TASOR: variants seen among roughly 807,000 people sequenced by gnomAD.
The protein encoded by TASOR is protein TASOR.
In TASOR, 53 loss-of-function variants were observed where a neutral mutation model predicts 178.6. That is an observed-to-expected ratio of 0.30 (90% CI 0.24 to 0.37). TASOR has a LOEUF of 0.37. Among genes scored for constraint, TASOR ranks in the 10% least tolerant of loss-of-function variants. TASOR has a pLI of 1.00. For missense variants in TASOR, 1,815 were observed against 1,971.4 expected (o/e 0.92, Z 1.50); for synonymous variants, 713 against 696.2 (o/e 1.02, Z -0.38).
chr3:56,637,248 T>C (rs1266556385), intron 17 of TASOR, among the ~76,000 whole-genome samples: 1 of 152,170 alleles, frequency 6.6e-6, no homozygotes, highest in South Asian at 2.1e-4. Flanking sequence ...CATGTACATA[T>C]GTAAAATTTC....
At chr3:56,665,738 G>A (rs1038123531) in intron 7 of TASOR, among the ~76,000 whole-genome samples, 2 of 152,000 alleles carry the variant, frequency 1.3e-5, no homozygotes, top group Non-Finnish European at 2.9e-5. Context: ...TTGGGAGGTC[G>A]AGGCAGTAAG....
rs563758660 is a variant in TASOR at position 56,623,923 on chromosome 3, T to C, written c.4484-357A>G. ...TTGACATCTAGCTTCACTGGATTAC[T>C]AAACTAGTTGGTTAGCACTAAATGA... is the stretch of plus-strand genomic sequence containing the variant. On this transcript the variant is annotated intron_variant, in intron 23 of 23. Transcript: ENST00000683822. 2.2e-4 allele frequency: 245 copies of C among 1,134,038 alleles called. 1 individual carries two copies. Among genetic ancestry groups the C allele is most frequent in the Non-Finnish European group, 2.5e-4 (197 of 791,398 alleles). The allele number at this position is 1,134,038 out of a possible 1,614,324, so 70.2% of individuals were successfully genotyped here. A position where few individuals can be genotyped will look rare whatever the true frequency, so the allele number is the denominator to read the frequency against.
rs1443057023 is a variant in TASOR, at chr3:56,621,341, G to C, written c.*1696C>G. The C allele has an allele frequency of 1.0e-5, 4 of 393,092 alleles. No individual in the cohort carries two copies. Among genetic ancestry groups the C allele is most frequent in the African/African-American group, 6.2e-5 (3 of 48,140 alleles). 24.4% of individuals were successfully genotyped at this position (393,092 alleles called of 1,614,324 possible). A position where few individuals can be genotyped will look rare whatever the true frequency, so the allele number is the denominator to read the frequency against. On this transcript the variant is annotated 3_prime_UTR_variant, in exon 24 of 24. Transcript: ENST00000683822. ...CCTATTGATTTTTATGCTAAAAACA[G>C]AATCTTACAAATGTGATAGCTATAT...
intron 3 of TASOR, among the ~76,000 whole-genome samples, chr3:56,670,713 A>G (rs1383109268): frequency 1.3e-5 from 2 of 152,030 alleles, no homozygotes; most frequent in African/African-American, 4.8e-5. Context: ...AGGCAGGCAG[A>G]TCACTTGAGG....
At chr3:56,640,249 T>TCAA in intron 15 of TASOR, 119 bp from the exon 16 acceptor site, 2 of 810,368 alleles carry the variant, frequency 2.5e-6, no homozygotes, top group African/African-American at 3.5e-5. Context: ...ATGCGTAAAA[T>TCAA]CAACATGGTA....
rs1197333078 is a variant in TASOR, at chr3:56,622,365, C to T, written c.*672G>A. The T allele has an allele frequency of 6.6e-6, 1 of 152,074 alleles. No individual in the cohort carries two copies. The highest frequency in any genetic ancestry group is 1.5e-5 in the Non-Finnish European group (1 of 67,980). The allele number at this position is 152,074 out of a possible 1,614,324, so 9.4% of individuals were successfully genotyped here. A position where few individuals can be genotyped will look rare whatever the true frequency, so the allele number is the denominator to read the frequency against. ...AATTTAAAAATCAAATTGTTCAACG[C>T]CTTTGATAAACAGAAGCCTATCTTT... On this transcript the variant is annotated 3_prime_UTR_variant, in exon 24 of 24. Coordinates refer to ENST00000683822, the MANE Select transcript of TASOR (RefSeq NM_001365635.2).
At chr3:56,668,120 C>A (rs944421903) in intron 6 of TASOR, among the ~76,000 whole-genome samples, 1 of 152,108 alleles carries the variant, frequency 6.6e-6, no homozygotes, top group East Asian at 1.9e-4. Flanking sequence ...GGGCAATGAT[C>A]ATATAAAAAC....
intron 11 of TASOR, among the ~76,000 whole-genome samples, chr3:56,650,433 G>C (rs2077327002): frequency 6.6e-6 from 1 of 152,054 alleles, no homozygotes. Context: ...TTAGATACCT[G>C]GTACTCAAGG....
chr3:56,637,845 G>C (rs1231190354), intron 17 of TASOR, among the ~76,000 whole-genome samples: 1 of 152,120 alleles, frequency 6.6e-6, no homozygotes, highest in African/African-American at 2.4e-5. Context: ...ACCATCTGCA[G>C]AGAAGTTGAA....
chr3:56,635,779 ATTAC>A (rs1304916504), intron 17 of TASOR, among the ~76,000 whole-genome samples: 2 of 152,180 alleles, frequency 1.3e-5, no homozygotes, highest in Admixed American at 1.3e-4. Context: ...CCAGCTATTT[ATTAC>A]TTTAAATGCA....
intron 2 of TASOR, among the ~76,000 whole-genome samples, chr3:56,673,112 A>C (rs1029900290): frequency 6.6e-6 from 1 of 152,228 alleles, no homozygotes; most frequent in African/African-American, 2.4e-5. Context: ...TGCTCAGCTG[A>C]ATTTACAATT....
intron 15 of TASOR, among the ~76,000 whole-genome samples, chr3:56,641,143 T>G (rs1033868747): frequency 6.6e-6 from 1 of 151,962 alleles, no homozygotes; most frequent in Admixed American, 6.6e-5. Context: ...ATATTAAGCT[T>G]CTAAGAAGGA....
At chr3:56,678,405 A>C (rs931062378) in intron 1 of TASOR, among the ~76,000 whole-genome samples, 2 of 150,290 alleles carry the variant, frequency 1.3e-5, no homozygotes, top group Non-Finnish European at 3.0e-5. Context: ...CTGGTCTCAA[A>C]CTCCTGACCT....
chr3:56,646,125 G>C (rs2077232871), intron 14 of TASOR, among the ~76,000 whole-genome samples: 1 of 152,132 alleles, frequency 6.6e-6, no homozygotes, highest in Non-Finnish European at 1.5e-5. Context: ...TCCAGCCTTG[G>C]GGAGACATCA....
intron 17 of TASOR, among the ~76,000 whole-genome samples, chr3:56,636,281 CA>C (rs201891438): frequency 1.5e-5 from 2 of 137,302 alleles, no homozygotes; most frequent in Non-Finnish European, 1.6e-5. Flanking sequence ...GATTCTGTTG[CA>C]AAAAAAAATA....
Position 56,623,261 on chromosome 3 carries a change from C to A in TASOR, c.4789G>T (p.Val1597Phe). 1.2e-6 allele frequency: 2 copies of A among 1,613,426 alleles called. No individual in the cohort carries two copies. Among genetic ancestry groups the A allele is most frequent in the Non-Finnish European group, 8.5e-7 (1 of 1,179,900 alleles). The change falls in exon 24 of 24, where the codon GTT becomes TTT. Residue 1597 changes from valine to phenylalanine, a missense_variant. Val to Phe is a conservative substitution (Grantham distance 50, BLOSUM62 -1). Around this residue, in one of 5 missense-constraint regions of TASOR, gnomAD observed 278 missense variants for 257.1 expected, o/e 1.08. Transcript: ENST00000683822. The part of the protein sequence containing the change: ...TEQDSYSNFQ[V>F]YHSQLNMSHQ... ...GACATATTTAATTGACTATGATAAA[C>A]CTGAAAGTTACTATATGAATCTTGT... is the stretch of plus-strand genomic sequence containing the variant.
At chr3:56,645,740 G>T (rs564177958) in intron 14 of TASOR, among the ~76,000 whole-genome samples, 1 of 152,276 alleles carries the variant, frequency 6.6e-6, no homozygotes, top group South Asian at 2.1e-4. Flanking sequence ...GATTCTTGGG[G>T]TAGAAAAGAG....
chr3:56,652,314 G>A (rs896909753), intron 11 of TASOR, among the ~76,000 whole-genome samples: 3 of 152,140 alleles, frequency 2.0e-5, no homozygotes, highest in South Asian at 2.1e-4. Flanking sequence ...GCACGGTGGT[G>A]CACACCTGTA....
chr3:56,669,933 T>G, intron 4 of TASOR, 140 bp downstream of exon 4: 1 of 872,406 alleles, frequency 1.1e-6, no homozygotes, highest in South Asian at 1.9e-5. Context: ...GATCTTACAT[T>G]TCAGAACCTA....
Sources: gnomAD v4.1 joint callset for allele counts (sites outside exome capture counted in the v4.1 genomes callset) on GRCh38, gnomAD v4.1.1 for gene constraint, gnomAD v4.1.1 regional missense constraint, MANE v1.5 for transcripts, NCBI Gene and HGNC (gene_info 2026-07-23, HGNC 2026-07-21) for gene names.